The following GAS7 variants were observed in gnomAD, a reference collection of about 807,000 sequenced individuals.
The protein encoded by GAS7 is growth arrest-specific protein 7.
Under a neutral mutation model 71.1 loss-of-function variants are expected in GAS7, and 28 were observed. The ratio of observed to expected loss-of-function variants is 0.39; its 90% CI spans 0.29 to 0.54. The LOEUF (loss-of-function observed/expected upper bound fraction) is 0.54. Ranked by LOEUF, GAS7 falls within the 20% of genes least tolerant of loss-of-function variation. The pLI, the probability that GAS7 is intolerant of heterozygous loss-of-function variation, is 0.62. For missense variants in GAS7, 436 were observed against 627.8 expected (o/e 0.69, Z 3.27); for synonymous variants, 258 against 245.8 (o/e 1.05, Z -0.46).
In GAS7 at chr17:9,912,589, A is replaced by G. The variant is rs1024945888; in HGVS notation, c.*4639T>C. 1.3e-5 allele frequency: 3 copies of G among 232,940 alleles called. No homozygotes were observed. Among genetic ancestry groups the G allele is most frequent in the Non-Finnish European group, 2.5e-5 (3 of 117,942 alleles). 14.4% of individuals were successfully genotyped at this position (232,940 alleles called of 1,614,324 possible). A position where few individuals can be genotyped will look rare whatever the true frequency, so the allele number is the denominator to read the frequency against. On this transcript the variant is annotated 3_prime_UTR_variant, in exon 14 of 14. Transcript: ENST00000432992. ...AGATGCAAGCTTCAGGTTGCAGCAG[A>G]CGTGAGCAGCAATTGAGCACCCATC...
intron 9 of GAS7, among the ~76,000 whole-genome samples, chr17:9,932,326 C>T (rs1018596718): frequency 2.0e-5 from 3 of 151,822 alleles, no homozygotes; most frequent in African/African-American, 7.3e-5. Context: ...TCCCGAGTAG[C>T]TGGGACTACA....
At chr17:10,111,787 A>T (rs2073816107) in intron 1 of GAS7, among the ~76,000 whole-genome samples, 1 of 152,142 alleles carries the variant, frequency 6.6e-6, no homozygotes, top group Admixed American at 6.5e-5. Flanking sequence ...CAATAGGCGA[A>T]ATTCGGGAGT....
chr17:9,971,135 G>A (rs750672051), intron 3 of GAS7, among the ~76,000 whole-genome samples: 8 of 152,192 alleles, frequency 5.3e-5, no homozygotes, highest in Admixed American at 2.6e-4. Flanking sequence ...GGTAGCTCAC[G>A]CCTATAATCC....
rs75732412 is a variant in GAS7 at position 10,016,663 on chromosome 17, C to T, written c.304+3114G>A. 7.0e-3 allele frequency among the ~76,000 whole-genome samples: 1,030 copies of T among 147,536 alleles called. 16 individuals carry two copies. The highest frequency in any genetic ancestry group is 0.058 in the East Asian group (292 of 5,070). ...ACTGTTTTTAGGCATAGTGTAATCC[C>T]AACACTGTGGAAGGTCAAGGCCAGT... is the stretch of plus-strand genomic sequence containing the variant. On this transcript the variant is annotated intron_variant, in intron 2 of 13. Coordinates refer to ENST00000432992, the MANE Select transcript of GAS7 (RefSeq NM_201433.2).
intron 3 of GAS7, among the ~76,000 whole-genome samples, chr17:9,970,126 A>G (rs1449947879): frequency 6.6e-6 from 1 of 152,156 alleles, no homozygotes; most frequent in Non-Finnish European, 1.5e-5. Context: ...CTCCCTCCGT[A>G]GAGTCGGGGC....
Position 9,932,319 on chromosome 17 carries a change from C to T in GAS7, c.885+1847G>A, listed in dbSNP as rs138587882. Reference sequence around the variant, plus strand: ...AAGAGATTCTCCTGCTTCAGCCTCCCGAGTAGCTGGGACTACAGGCATGCG... The same window carrying T: ...AAGAGATTCTCCTGCTTCAGCCTCCTGAGTAGCTGGGACTACAGGCATGCG... On this transcript the variant is annotated intron_variant, in intron 9 of 13. Transcript: ENST00000432992. 7.5e-4 allele frequency among the ~76,000 whole-genome samples: 114 copies of T among 152,080 alleles called. 1 individual carries two copies. The highest frequency in any genetic ancestry group is 2.7e-3 in the African/African-American group (110 of 41,484).
rs964528372 is a variant in GAS7 at position 9,981,153 on chromosome 17, G to A, written c.385+651C>T. Reference sequence around the variant, plus strand: ...CTAAAAATACACAAATTAGCCGGGTGTGGTGGTGCGCACCTGCAATCGCAG... The same window carrying A: ...CTAAAAATACACAAATTAGCCGGGTATGGTGGTGCGCACCTGCAATCGCAG... On this transcript the variant is annotated intron_variant, in intron 3 of 13. Coordinates refer to ENST00000432992, the MANE Select transcript of GAS7 (RefSeq NM_201433.2). The surrounding 1 kb of genome is among the most constrained non-coding windows in gnomAD (Gnocchi z 4.4). Among the ~76,000 whole-genome samples, 17 of 152,262 alleles carry A rather than the reference G, an allele frequency of 1.1e-4. No homozygotes were observed. The highest frequency in any genetic ancestry group is 3.6e-4 in the African/African-American group (15 of 41,568).
chr17:10,038,858 C>A (rs1170845924), intron 1 of GAS7, among the ~76,000 whole-genome samples: 1 of 152,036 alleles, frequency 6.6e-6, no homozygotes, highest in Non-Finnish European at 1.5e-5. Context: ...CACCACCATG[C>A]CTGGCTAATT....
chr17:10,181,610 G>C (rs746058100), intron 1 of GAS7, among the ~76,000 whole-genome samples: 11 of 152,092 alleles, frequency 7.2e-5, no homozygotes, highest in Admixed American at 2.0e-4. Context: ...GACAGGGGTT[G>C]GGTCATGAAG....
rs565949642 is a variant in GAS7 at position 10,102,492 on chromosome 17, G to A, written c.184-82595C>T. 4.6e-5 allele frequency among the ~76,000 whole-genome samples: 7 copies of A among 152,212 alleles called. No homozygotes were observed. In the East Asian group the frequency reaches 1.2e-3, roughly 25 times the overall value. ...TACGCAAGGTTGGGCAGCTAGAATGGCCTCCGCATGCTGATTTTGAGTGAC... is the reference window on the plus strand; with the variant it reads ...TACGCAAGGTTGGGCAGCTAGAATGACCTCCGCATGCTGATTTTGAGTGAC... On this transcript the variant is annotated intron_variant, in intron 1 of 13. Transcript: ENST00000432992.
intron 1 of GAS7, among the ~76,000 whole-genome samples, chr17:10,155,022 T>TC (rs2074194763): frequency 6.6e-6 from 1 of 151,888 alleles, no homozygotes; most frequent in South Asian, 2.1e-4. Context: ...ATAACTCTTT[T>TC]TTTTTTTTTG....
At chr17:10,118,027 G>A (rs1182824609) in intron 1 of GAS7, among the ~76,000 whole-genome samples, 2 of 152,138 alleles carry the variant, frequency 1.3e-5, no homozygotes, top group Non-Finnish European at 2.9e-5. Flanking sequence ...GACAGGACAA[G>A]TGGAGATGTC....
rs550398880 is a variant in GAS7 at position 9,911,169 on chromosome 17, G to A, written c.*6059C>T. ...GTCCACACAGCTGCCTGGAACCCAC[G>A]ACTCCCGAGAGCCCGTCTGCTGCAG... On this transcript the variant is annotated 3_prime_UTR_variant, in exon 14 of 14. Transcript: ENST00000432992. This position sits in a 1 kb window ranked among gnomAD's most constrained non-coding sequence, Gnocchi z 4.0. The A allele has an allele frequency of 6.3e-4, 146 of 233,226 alleles. No individual in the cohort carries two copies. Among genetic ancestry groups the A allele is most frequent in the African/African-American group, 3.0e-3 (136 of 45,428 alleles). The allele number at this position is 233,226 out of a possible 1,614,324, so 14.4% of individuals were successfully genotyped here. A position where few individuals can be genotyped will look rare whatever the true frequency, so the allele number is the denominator to read the frequency against.
intron 1 of GAS7, among the ~76,000 whole-genome samples, chr17:10,033,020 C>G (rs772898957): frequency 6.6e-6 from 1 of 152,134 alleles, no homozygotes; most frequent in East Asian, 1.9e-4. Flanking sequence ...GTCCCTGTTA[C>G]GGCCAATTAA....
chr17:10,124,087 C>T (rs1201258120), intron 1 of GAS7, among the ~76,000 whole-genome samples: 1 of 152,232 alleles, frequency 6.6e-6, no homozygotes, highest in Non-Finnish European at 1.5e-5. Context: ...GTGTGACTCT[C>T]CTTCCCGTGA....
At chr17:10,009,194 G>A (rs1245175618) in intron 2 of GAS7, among the ~76,000 whole-genome samples, 1 of 150,182 alleles carries the variant, frequency 6.7e-6, no homozygotes, top group East Asian at 1.9e-4. Flanking sequence ...AGTGGCGGGC[G>A]CCTGTAGTCC....
chr17:10,198,162 G>A (rs757026314), intron 1 of GAS7, 46 bp downstream of exon 1: 25 of 1,566,106 alleles, frequency 1.6e-5, no homozygotes, highest in Admixed American at 8.4e-5. Flanking sequence ...CGAGCGCACC[G>A]AGGACCGCAG....
At chr17:9,993,049 A>G (rs1482149897) in intron 2 of GAS7, among the ~76,000 whole-genome samples, 10 of 152,136 alleles carry the variant, frequency 6.6e-5, no homozygotes, top group African/African-American at 2.2e-4. Context: ...ATTGTGAATA[A>G]TGCCGCAATA....
chr17:9,973,497 G>A (rs961484397), intron 3 of GAS7, among the ~76,000 whole-genome samples: 1 of 151,938 alleles, frequency 6.6e-6, no homozygotes, highest in Non-Finnish European at 1.5e-5. Flanking sequence ...CAAGTGATCC[G>A]CCAGCCTCAG....
Sources: allele counts gnomAD v4.1 joint callset (sites outside exome capture counted in the v4.1 genomes callset), GRCh38; gene constraint gnomAD v4.1.1; non-coding constraint Gnocchi (gnomAD v3.1); transcripts MANE v1.5; gene names NCBI Gene and HGNC (gene_info 2026-07-23, HGNC 2026-07-21).